Variants in SGK3 observed in about 807,000 individuals in gnomAD.
SGK3 encodes serum/glucocorticoid regulated kinase family member 3, also known as serine/threonine-protein kinase Sgk3.
Under a neutral mutation model 68.5 loss-of-function variants are expected in SGK3, and 47 were observed. The ratio of observed to expected loss-of-function variants is 0.69; its 90% CI spans 0.54 to 0.87. The LOEUF (loss-of-function observed/expected upper bound fraction) is 0.87. Ranked by LOEUF, SGK3 falls within the 40% of genes least tolerant of loss-of-function variation. The pLI is 0.00. For missense variants in SGK3, 479 were observed against 575.5 expected (o/e 0.83, Z 1.72); for synonymous variants, 181 against 189.1 (o/e 0.96, Z 0.35).
intron 1 of SGK3, among the ~76,000 whole-genome samples, chr8:66,789,188 A>C (rs1317562936): frequency 6.6e-6 from 1 of 151,798 alleles, no homozygotes; most frequent in Non-Finnish European, 1.5e-5. Context: ...TCACCATCTG[A>C]TTAAATTTAT....
chr8:66,760,330 CTTTTTTTTTTT>C (rs201559163), intron 1 of SGK3, among the ~76,000 whole-genome samples: 11 of 115,650 alleles, frequency 9.5e-5, no homozygotes, highest in South Asian at 2.9e-4. Context: ...TTTCTTTTTT[CTTTTTTTTTTT>C]TTTTTTTTTT....
intron 16 of SGK3, among the ~76,000 whole-genome samples, chr8:66,857,658 G>C (rs971136971): frequency 1.3e-5 from 2 of 152,056 alleles, no homozygotes; most frequent in Admixed American, 1.3e-4. Context: ...ACACATGCCT[G>C]TGGTCCCAGC....
intron 1 of SGK3, among the ~76,000 whole-genome samples, chr8:66,717,459 G>A (rs1804670357): frequency 1.3e-5 from 2 of 152,250 alleles, no homozygotes; most frequent in South Asian, 4.1e-4. Flanking sequence ...AACCCAGGAG[G>A]CAGAGGTTGC....
intron 1 of SGK3, among the ~76,000 whole-genome samples, chr8:66,732,699 G>C (rs1037586850): frequency 1.3e-5 from 2 of 152,004 alleles, no homozygotes; most frequent in African/African-American, 4.8e-5. Context: ...ACAAAAATTA[G>C]CTGGGCATGG....
At chr8:66,756,649 A>G (rs909226290) in intron 1 of SGK3, among the ~76,000 whole-genome samples, 1 of 135,300 alleles carries the variant, frequency 7.4e-6, no homozygotes, top group African/African-American at 2.8e-5. Context: ...GTGCGAATAT[A>G]GCTCACTGCA....
chr8:66,778,785 G>A (rs1806831292), intron 1 of SGK3, among the ~76,000 whole-genome samples: 1 of 152,210 alleles, frequency 6.6e-6, no homozygotes, highest in South Asian at 2.1e-4. Context: ...GGGAGTGGGT[G>A]TAGGGAGAGC....
chr8:66,827,851 C>T (rs1809126621), intron 6 of SGK3, among the ~76,000 whole-genome samples: 1 of 152,062 alleles, frequency 6.6e-6, no homozygotes, highest in African/African-American at 2.4e-5. Context: ...AGGCTGAGCA[C>T]GGTGGCTCAC....
chr8:66,856,863 C>T (rs781053151), intron 16 of SGK3, among the ~76,000 whole-genome samples: 2 of 152,136 alleles, frequency 1.3e-5, no homozygotes, highest in East Asian at 3.9e-4. Flanking sequence ...GAGGCCGAGA[C>T]GGGCATATCA....
At chr8:66,770,660 A>G (rs547348686) in intron 1 of SGK3, among the ~76,000 whole-genome samples, 136 of 152,316 alleles carry the variant, frequency 8.9e-4, no homozygotes, top group Non-Finnish European at 1.6e-3. Flanking sequence ...GTGAGTTGCC[A>G]GTGCTATTCT....
rs180742415 is a variant in SGK3 at position 66,737,905 on chromosome 8, C to T, written c.-122+25072C>T. ...TGCTGGAATTATAGGCATGAGCCAC[C>T]GCACCCAGCCCCGGACCTTTATGTT... On this transcript the variant is annotated intron_variant, in intron 1 of 16. Coordinates refer to ENST00000521198, the MANE Select transcript of SGK3 (RefSeq NM_001033578.3). Among the ~76,000 whole-genome samples the T allele has an allele frequency of 4.6e-5, 7 of 152,086 alleles. No homozygotes were observed. The East Asian group carries it at 7.8e-4, about 17-fold the overall frequency.
intron 1 of SGK3, chr8:66,767,767 G>T: frequency 1.3e-6 from 2 of 1,577,174 alleles, no homozygotes; most frequent in Non-Finnish European, 1.7e-6. Flanking sequence ...TTGTTTGAGG[G>T]GTCCATTGGT....
chr8:66,795,843 A>G (rs1267345602), intron 2 of SGK3, among the ~76,000 whole-genome samples: 9 of 151,704 alleles, frequency 5.9e-5, no homozygotes, highest in Admixed American at 2.6e-4. Flanking sequence ...CTCACTCTCT[A>G]TCCTGCTTTC....
chr8:66,745,354 G>T (rs542142918), intron 1 of SGK3, among the ~76,000 whole-genome samples: 206 of 152,036 alleles, frequency 1.4e-3, no homozygotes, highest in African/African-American at 4.6e-3. Flanking sequence ...GGTGGATCAC[G>T]AGGTCAGGAG....
intron 5 of SGK3, 81 bp downstream of exon 5, chr8:66,814,009 T>C: frequency 1.6e-6 from 2 of 1,248,272 alleles, no homozygotes; most frequent in South Asian, 2.0e-5. Flanking sequence ...AAATTTTGTT[T>C]GTTCTATGAA....
At chr8:66,729,324 C>T (rs1442982770) in intron 1 of SGK3, among the ~76,000 whole-genome samples, 16 of 135,718 alleles carry the variant, frequency 1.2e-4, no homozygotes, top group Admixed American at 2.2e-4. Context: ...GGCGTGGTGG[C>T]GGGCGCCTGT....
At chr8:66,799,736 C>T (rs1379911698) in intron 3 of SGK3, among the ~76,000 whole-genome samples, 5 of 152,302 alleles carry the variant, frequency 3.3e-5, no homozygotes, top group African/African-American at 1.2e-4. Flanking sequence ...ATTCTCGTGC[C>T]TCAGTCTCTC....
At chr8:66,853,094 A>G (rs1244546781) in intron 16 of SGK3, among the ~76,000 whole-genome samples, 1 of 152,184 alleles carries the variant, frequency 6.6e-6, no homozygotes, top group Non-Finnish European at 1.5e-5. Context: ...TAACATTTGT[A>G]AAGCACCTCA....
intron 1 of SGK3, among the ~76,000 whole-genome samples, chr8:66,752,469 T>C (rs1374255919): frequency 6.6e-6 from 1 of 151,850 alleles, no homozygotes; most frequent in Non-Finnish European, 1.5e-5. Context: ...AAGATAGCAT[T>C]AAATTTAGGG....
chr8:66,777,148 T>C (rs530538715), intron 1 of SGK3, among the ~76,000 whole-genome samples: 2 of 152,354 alleles, frequency 1.3e-5, no homozygotes, highest in African/African-American at 4.8e-5. Context: ...TTTTGTTAGT[T>C]GCTGACTCTT....
Sources: allele counts gnomAD v4.1 joint callset (sites outside exome capture counted in the v4.1 genomes callset), GRCh38; gene constraint gnomAD v4.1.1; transcripts MANE v1.5; gene names NCBI Gene and HGNC (gene_info 2026-07-23, HGNC 2026-07-21).